Variants in LMF1 observed in about 807,000 individuals in gnomAD.
LMF1 encodes transmembrane protein 112.
In LMF1, 68 loss-of-function variants were observed where a neutral mutation model predicts 60.6. The observed-to-expected ratio is 1.12, with a 90% CI of 0.92 to 1.37. The LOEUF (loss-of-function observed/expected upper bound fraction) is 1.37. Among genes scored for constraint, LMF1 ranks in the 40% most tolerant of loss-of-function variants. The probability of loss-of-function intolerance (pLI) is 0.00; values close to 1 mark genes in which losing one functional copy is unlikely to be tolerated. For missense variants in LMF1, 948 were observed against 767.2 expected, an observed-to-expected ratio of 1.24 and a Z score of -2.78; for synonymous variants, 418 against 324.7, an observed-to-expected ratio of 1.29 and a Z score of -3.09.
intron 6 of LMF1, chr16:873,796 T>A (rs1051687849): frequency 2.0e-5 from 3 of 152,358 alleles, no homozygotes; most frequent in Non-Finnish European, 4.4e-5. Context: ...TGCTGAGGTC[T>A]AACACCAGTC....
intron 2 of LMF1, among the ~76,000 whole-genome samples, chr16:937,081 C>T (rs867088835): frequency 2.6e-5 from 4 of 152,196 alleles, no homozygotes; most frequent in East Asian, 1.9e-4. Context: ...TGAGTCCAGA[C>T]GCAGCTGCCT....
upstream of LMF1, among the ~76,000 whole-genome samples, chr16:973,517 C>T (rs1399714700): frequency 2.0e-5 from 3 of 152,146 alleles, no homozygotes; most frequent in Admixed American, 6.5e-5. Flanking sequence ...AAGGAGGGAG[C>T]TCTGTGGTCC....
intron 5 of LMF1, chr16:887,163 G>C (rs1259280185): frequency 6.6e-6 from 1 of 151,832 alleles, no homozygotes; most frequent in African/African-American, 2.4e-5. Context: ...CACGGCTCCT[G>C]GTCGCAGTTA....
rs535666951 is a variant in LMF1 at position 907,680 on chromosome 16, G to A, written c.663+3251C>T. Among the ~76,000 whole-genome samples, 75 of 152,274 alleles carry A rather than the reference G, an allele frequency of 4.9e-4. No homozygotes were observed. In the Middle Eastern group the frequency reaches 0.01, roughly 21 times the overall value. ...CTGGTTGTGACCCAAGTGCGCGAGCGGGGGAAGGGGTGTGCGTGCCTTCCT... is the reference window on the plus strand; with the variant it reads ...CTGGTTGTGACCCAAGTGCGCGAGCAGGGGAAGGGGTGTGCGTGCCTTCCT... On this transcript the variant is annotated intron_variant, in intron 4 of 10. Coordinates refer to ENST00000262301, the MANE Select transcript of LMF1 (RefSeq NM_022773.4).
chr16:909,380 A>G (rs1180081921), intron 4 of LMF1, among the ~76,000 whole-genome samples: 2 of 152,194 alleles, frequency 1.3e-5, no homozygotes, highest in Non-Finnish European at 2.9e-5. Flanking sequence ...GAATGGGCCC[A>G]GACAGCCCCT....
At position 945,211 on chromosome 16, in the gene LMF1, C is replaced by CA. The variant is rs60283096; in HGVS notation, c.503+9145dup. ...GGGCGACAAGAGCGAGACTCCATCT[C>CA]AAAAAAAAAAAAAAAAAGGAAAATA... On this transcript the variant is annotated intron_variant, in intron 2 of 10. Coordinates refer to ENST00000262301, the MANE Select transcript of LMF1 (RefSeq NM_022773.4). Among the ~76,000 whole-genome samples the CA allele has an allele frequency of 1.9e-3, 151 of 78,930 alleles. 1 individual carries two copies. The highest frequency in any genetic ancestry group is 9.4e-3 in the Middle Eastern group (1 of 106). 51.8% of individuals were successfully genotyped at this position (78,930 alleles called of 152,430 possible). A position where few individuals can be genotyped will look rare whatever the true frequency, so the allele number is the denominator to read the frequency against.
At chr16:869,371 G>C (rs897123797) in intron 9 of LMF1, 1 of 610,626 alleles carries the variant, frequency 1.6e-6, no homozygotes, top group Admixed American at 2.1e-5. Flanking sequence ...AGACGGGACC[G>C]GGAGGACAGA....
chr16:976,613 G>C (rs764969081), intron 1 of LMF1: 1 of 454,150 alleles, frequency 2.2e-6, no homozygotes, highest in South Asian at 1.6e-5. Context: ...CAGACGAGAA[G>C]TGCAGAGAGC....
intron 3 of LMF1, among the ~76,000 whole-genome samples, chr16:920,482 TCAG>T (rs923665936): frequency 2.4e-4 from 36 of 152,182 alleles, no homozygotes; most frequent in African/African-American, 8.7e-4. Context: ...CTGGCTGAGC[TCAG>T]CAGCAGAGTG....
In LMF1 at chr16:876,035, C is replaced by T. The variant is rs554662117; in HGVS notation, c.897+3535G>A. On this transcript the variant is annotated intron_variant, in intron 6 of 10. Transcript: ENST00000262301. ...GTGGCAGTGGGACCCGGGGCTGGCA[C>T]AGCCGGCCCTGGCCCCACGCCTGTG... Among the ~76,000 whole-genome samples the T allele has an allele frequency of 3.5e-3, 530 of 152,362 alleles. 4 individuals are homozygous for T. Among genetic ancestry groups the T allele is most frequent in the Middle Eastern group, 0.017 (5 of 294 alleles).
At chr16:970,451 G>C (rs1038701673) in intron 1 of LMF1, among the ~76,000 whole-genome samples, 3 of 152,170 alleles carry the variant, frequency 2.0e-5, no homozygotes, top group Non-Finnish European at 4.4e-5. Context: ...GCTCTCCTGG[G>C]AACTCCTGGG....
Position 951,095 on chromosome 16 carries a change from GAGCCAATGACAGAGTC to G in LMF1, c.503+3246_503+3261del, listed in dbSNP as rs997882049. On this transcript the variant is annotated intron_variant, in intron 2 of 10. Coordinates refer to ENST00000262301, the MANE Select transcript of LMF1 (RefSeq NM_022773.4). ...ACAGAGTCAGCCAACGACAGAGTCAGAGCCAATGACAGAGTCAGCCAATGACAGAGTCAGCCGACAG... is the reference window on the plus strand; with the variant it reads ...ACAGAGTCAGCCAACGACAGAGTCAGAGCCAATGACAGAGTCAGCCGACAG... 1.5e-4 allele frequency among the ~76,000 whole-genome samples: 8 copies of G among 52,358 alleles called. 3 individuals are homozygous for G. In the East Asian group the frequency reaches 1.9e-3, roughly 13 times the overall value. 34.3% of individuals were successfully genotyped at this position (52,358 alleles called of 152,430 possible).
intron 3 of LMF1, among the ~76,000 whole-genome samples, chr16:926,693 C>G (rs182958323): frequency 6.6e-6 from 1 of 152,222 alleles, no homozygotes; most frequent in African/African-American, 2.4e-5. Flanking sequence ...AGGTGGAACC[C>G]GGCACCACGG....
intron 3 of LMF1, among the ~76,000 whole-genome samples, chr16:914,404 G>A (rs1381883148): frequency 6.6e-6 from 1 of 152,080 alleles, no homozygotes; most frequent in Non-Finnish European, 1.5e-5. Flanking sequence ...CAGACCGGAT[G>A]CTCACTCGTA....
At chr16:862,145 C>A (rs750589902) in intron 10 of LMF1, among the ~76,000 whole-genome samples, 4 of 151,152 alleles carry the variant, frequency 2.6e-5, no homozygotes, top group Non-Finnish European at 5.9e-5. Flanking sequence ...GCATAGAATT[C>A]TTTGTTATAT....
At chr16:884,013 T>C (rs1370758272) in intron 5 of LMF1, 1 of 152,278 alleles carries the variant, frequency 6.6e-6, no homozygotes, top group Non-Finnish European at 1.5e-5. Context: ...CTTACAGTTC[T>C]ATCCATTTTT....
intron 6 of LMF1, among the ~76,000 whole-genome samples, chr16:876,395 C>G (rs893755519): frequency 6.6e-6 from 1 of 152,126 alleles, no homozygotes; most frequent in Non-Finnish European, 1.5e-5. Flanking sequence ...GGACACGTGT[C>G]GTCGTCCGTT....
intron 4 of LMF1, among the ~76,000 whole-genome samples, chr16:909,802 C>T (rs1311640995): frequency 6.6e-6 from 1 of 152,184 alleles, no homozygotes; most frequent in African/African-American, 2.4e-5. Context: ...AACACAGGCA[C>T]GGCAGCCACG....
In LMF1 at chr16:854,994, C is replaced by A. The variant is rs574085009; in HGVS notation, c.1530-288G>T. On this transcript the variant is annotated intron_variant, in intron 10 of 10. Coordinates refer to ENST00000262301, the MANE Select transcript of LMF1 (RefSeq NM_022773.4). ...GGCCCACTTGGCAGAGGGACCGGCC[C>A]GGGGAAGGCCAGGAGCTTCACGGGT... The A allele has an allele frequency of 1.1e-3, 556 of 519,396 alleles. 8 individuals carry two copies. In the South Asian group the frequency reaches 0.011, roughly 10 times the overall value. The allele number at this position is 519,396 out of a possible 1,614,324, so 32.2% of individuals were successfully genotyped here. A position where few individuals can be genotyped will look rare whatever the true frequency, so the allele number is the denominator to read the frequency against.
Sources: gnomAD v4.1 joint callset for allele counts (sites outside exome capture counted in the v4.1 genomes callset) on GRCh38, gnomAD v4.1.1 for gene constraint, MANE v1.5 for transcripts, NCBI Gene and HGNC (gene_info 2026-07-23, HGNC 2026-07-21) for gene names.